The following SH3KBP1 variants were observed in gnomAD, a reference collection of about 807,000 sequenced individuals.
SH3KBP1 encodes SH3 domain-containing kinase-binding protein 1.
Under a neutral mutation model 50.1 loss-of-function variants are expected in SH3KBP1, and 8 were observed. The observed-to-expected ratio is 0.16, with a 90% confidence interval of 0.09 to 0.29. The LOEUF is 0.29. Among genes scored for constraint, SH3KBP1 ranks in the 10% least tolerant of loss-of-function variants. The probability of loss-of-function intolerance (pLI) is 1.00; values close to 1 mark genes in which losing one functional copy is unlikely to be tolerated. For synonymous variants in SH3KBP1, 227 were observed against 218.6 expected (o/e 1.04, Z -0.34); for missense variants, 377 against 535.2 (o/e 0.70, Z 2.92).
chrX:19,753,805 T>C (rs936469710), intron 2 of SH3KBP1, among the ~76,000 whole-genome samples: 2 of 111,996 alleles, frequency 1.8e-5, no homozygotes, highest in Non-Finnish European at 3.8e-5. Context: ...AAACATAAAG[T>C]AAATATGGCA....
Position 19,541,811 on chromosome X carries a change from G to A in SH3KBP1, c.1892+114C>T, listed in dbSNP as rs1024040735. ...TCCCACCATTGCTGCCACCATCAAC[G>A]GGGAGACCAGGCCCGCCCTCCAAGG... is the stretch of plus-strand genomic sequence containing the variant. On this transcript the variant is annotated intron_variant, in intron 16 of 17. Coordinates refer to ENST00000397821, the MANE Select transcript of SH3KBP1 (RefSeq NM_031892.3). The A allele has an allele frequency of 2.1e-5, 18 of 854,399 alleles. No homozygotes were observed. In the East Asian group the frequency reaches 2.5e-4, roughly 12 times the overall value. 70.4% of individuals were successfully genotyped at this position (854,399 alleles called of 1,213,427 possible). A position where few individuals can be genotyped will look rare whatever the true frequency, so the allele number is the denominator to read the frequency against.
chrX:19,759,151 C>G (rs2065303361), intron 2 of SH3KBP1, among the ~76,000 whole-genome samples: 1 of 111,696 alleles, frequency 9.0e-6, no homozygotes, highest in African/African-American at 3.3e-5. Context: ...TGCTCACAAC[C>G]ACATTAAGAG....
At chrX:19,799,575 A>G in intron 2 of SH3KBP1, 2 of 1,127,944 alleles carry the variant, frequency 1.8e-6, no homozygotes, top group Non-Finnish European at 2.4e-6. Context: ...GTAGTCGGGC[A>G]ACAGGCTACA....
intron 1 of SH3KBP1, among the ~76,000 whole-genome samples, chrX:19,843,268 C>A (rs1036952110): frequency 6.4e-5 from 7 of 109,874 alleles, no homozygotes; most frequent in African/African-American, 2.3e-4. Context: ...GATCTACCCA[C>A]CTCGGCCTCC....
At chrX:19,674,963 C>T (rs1283365819) in intron 6 of SH3KBP1, among the ~76,000 whole-genome samples, 1 of 109,884 alleles carries the variant, frequency 9.1e-6, no homozygotes, top group Non-Finnish European at 1.9e-5. Context: ...CCTATAATCC[C>T]AGCTACTCGG....
At position 19,720,828 on chromosome X, in the gene SH3KBP1, G is replaced by C. The variant is rs181936749; in HGVS notation, c.287-13844C>G. 3.6e-5 allele frequency among the ~76,000 whole-genome samples: 4 copies of C among 111,448 alleles called. No homozygotes were observed. In the Admixed American group the frequency reaches 3.8e-4, roughly 11 times the overall value. On this transcript the variant is annotated intron_variant, in intron 3 of 17. Transcript: ENST00000397821. ...TAGAAAATCCTAAAGACCTTCATCT[G>C]GGATACTTCTGTCTTGCCTAATCTT...
intron 8 of SH3KBP1, among the ~76,000 whole-genome samples, chrX:19,619,731 G>A (rs760905306): frequency 1.5e-4 from 17 of 111,217 alleles, no homozygotes; most frequent in African/African-American, 5.6e-4. Flanking sequence ...GCAGTGAGCC[G>A]AGATGGTGCC....
Position 19,732,596 on chromosome X carries a change from TACACACACAC to T in SH3KBP1, c.286+13712_286+13721del, listed in dbSNP as rs60032683. 5.5e-5 allele frequency among the ~76,000 whole-genome samples: 5 copies of T among 90,748 alleles called. 1 individual carries two copies. In the East Asian group the frequency reaches 1.1e-3, roughly 19 times the overall value. 78.8% of individuals were successfully genotyped at this position (90,748 alleles called of 115,157 possible). On this transcript the variant is annotated intron_variant, in intron 3 of 17. Coordinates refer to ENST00000397821, the MANE Select transcript of SH3KBP1 (RefSeq NM_031892.3). The stretch of plus-strand genomic sequence containing the variant: ...ATTCCTTAATTTGGATAAAAATCCC[TACACACACAC>T]ACACACACACACACACACACACACA...
At chrX:19,867,140 A>G (rs1299233606) in intron 1 of SH3KBP1, among the ~76,000 whole-genome samples, 1 of 111,803 alleles carries the variant, frequency 8.9e-6, no homozygotes, top group Admixed American at 9.5e-5. Flanking sequence ...CGGCATAGAC[A>G]AGAAGACCTG....
chrX:19,717,301 C>T (rs1004072621), intron 3 of SH3KBP1, among the ~76,000 whole-genome samples: 1 of 111,646 alleles, frequency 9.0e-6, no homozygotes, highest in Non-Finnish European at 1.9e-5. Context: ...AATCCATTCT[C>T]GACAAATGAA....
Position 19,757,563 on chromosome X carries a change from A to C in SH3KBP1, c.163-11122T>G, listed in dbSNP as rs779538874. Reference sequence around the variant, plus strand: ...CCATTTGTCTATATTATCTTATGTCAAAAAAAAAAAAAAAAGCAGATTCAC... The same window carrying C: ...CCATTTGTCTATATTATCTTATGTCCAAAAAAAAAAAAAAAGCAGATTCAC... On this transcript the variant is annotated intron_variant, in intron 2 of 17. Transcript: ENST00000397821. Among the ~76,000 whole-genome samples, 464 of 59,232 alleles carry C rather than the reference A, an allele frequency of 7.8e-3. 4 individuals carry two copies. The highest frequency in any genetic ancestry group is 0.049 in the African/African-American group (454 of 9,258). 51.4% of individuals were successfully genotyped at this position (59,232 alleles called of 115,157 possible). A position where few individuals can be genotyped will look rare whatever the true frequency, so the allele number is the denominator to read the frequency against.
chrX:19,738,598 T>C (rs752696842), intron 3 of SH3KBP1, among the ~76,000 whole-genome samples: 2 of 106,918 alleles, frequency 1.9e-5, no homozygotes, highest in South Asian at 8.5e-4. Context: ...ACTGTGTGAA[T>C]TATAAACTCC....
intron 2 of SH3KBP1, among the ~76,000 whole-genome samples, chrX:19,823,018 C>T (rs898395617): frequency 2.1e-4 from 24 of 111,710 alleles, no homozygotes; most frequent in African/African-American, 7.5e-4. Flanking sequence ...GAGTTGTTTG[C>T]CCAGGACTTC....
chrX:19,619,085 G>T (rs906369714), intron 8 of SH3KBP1, among the ~76,000 whole-genome samples: 2 of 111,368 alleles, frequency 1.8e-5, no homozygotes, highest in Non-Finnish European at 3.8e-5. Context: ...AGACCAGCCT[G>T]GCCAACATGG....
chrX:19,836,029 A>C, intron 2 of SH3KBP1, 96 bp downstream of exon 2: 1 of 816,723 alleles, frequency 1.2e-6, no homozygotes, highest in Non-Finnish European at 1.8e-6. Context: ...GCCATTCCCT[A>C]AGAGAGTTCA....
At chrX:19,791,354 G>A (rs1011034200) in intron 2 of SH3KBP1, among the ~76,000 whole-genome samples, 1 of 111,256 alleles carries the variant, frequency 9.0e-6, no homozygotes, top group Non-Finnish European at 1.9e-5. Context: ...CTTGTTGCAG[G>A]AGAAGCTGAA....
intron 9 of SH3KBP1, among the ~76,000 whole-genome samples, chrX:19,599,247 C>T (rs1015459159): frequency 9.0e-6 from 1 of 111,018 alleles, no homozygotes; most frequent in Non-Finnish European, 1.9e-5. Context: ...AATTTAAAAA[C>T]GACAATTACA....
chrX:19,754,391 G>C (rs1397834230), intron 2 of SH3KBP1, among the ~76,000 whole-genome samples: 1 of 112,299 alleles, frequency 8.9e-6, no homozygotes, highest in Non-Finnish European at 1.9e-5. Flanking sequence ...CTGGATCAAA[G>C]GGTGTCAATA....
chrX:19,684,214 C>G (rs891199441), intron 5 of SH3KBP1, among the ~76,000 whole-genome samples, 186 bp from the exon 6 acceptor site: 3 of 112,094 alleles, frequency 2.7e-5, no homozygotes, highest in African/African-American at 9.7e-5. Context: ...ATCTCCCCAC[C>G]CCTTACTTTT....
Sources: gnomAD v4.1 joint callset for allele counts (sites outside exome capture counted in the v4.1 genomes callset) on GRCh38, gnomAD v4.1.1 for gene constraint, MANE v1.5 for transcripts, NCBI Gene and HGNC (gene_info 2026-07-23, HGNC 2026-07-21) for gene names.